Variants in PTPRM observed in about 807,000 individuals in gnomAD.
PTPRM encodes protein tyrosine phosphatase receptor type M, also known as receptor-type tyrosine-protein phosphatase mu.
A neutral mutation model predicts 186.7 loss-of-function variants in PTPRM; 47 were observed. The observed-to-expected ratio is 0.25, with a 90% CI of 0.20 to 0.32. The LOEUF (loss-of-function observed/expected upper bound fraction) is 0.32. PTPRM is among the 10% of genes least tolerant of loss of function. The pLI is 1.00. For synonymous variants in PTPRM, 668 were observed against 674.9 expected (o/e 0.99, Z 0.16); for missense variants, 1,494 against 1,865.0 (o/e 0.80, Z 3.66).
At chr18:8,049,632 A>C (rs2087321181) in intron 7 of PTPRM, among the ~76,000 whole-genome samples, 1 of 151,538 alleles carries the variant, frequency 6.6e-6, no homozygotes, top group Admixed American at 6.6e-5. Context: ...AGAATGCAGT[A>C]AGACATAGAG....
intron 14 of PTPRM, among the ~76,000 whole-genome samples, chr18:8,235,505 T>G (rs2094336099): frequency 6.7e-6 from 1 of 150,144 alleles, no homozygotes; most frequent in African/African-American, 2.4e-5. Context: ...GTATCAATTT[T>G]ACTAATCTTT....
chr18:8,338,947 T>C (rs1234554197), intron 22 of PTPRM, among the ~76,000 whole-genome samples: 1 of 152,068 alleles, frequency 6.6e-6, no homozygotes, highest in Non-Finnish European at 1.5e-5. Context: ...AATGATCATT[T>C]TTATAGATGT....
chr18:8,289,215 C>T (rs959268694), intron 19 of PTPRM, among the ~76,000 whole-genome samples: 17 of 151,806 alleles, frequency 1.1e-4, no homozygotes, highest in Non-Finnish European at 2.2e-4. Context: ...TGCTCACCCC[C>T]CAATAGAGCT....
chr18:7,994,265 A>AC (rs145006322), intron 7 of PTPRM, among the ~76,000 whole-genome samples: 17 of 149,014 alleles, frequency 1.1e-4, no homozygotes, highest in African/African-American at 3.2e-4. Flanking sequence ...GGATATAAAT[A>AC]ACACACACAC....
intron 24 of PTPRM, among the ~76,000 whole-genome samples, chr18:8,371,602 G>A (rs549802981): frequency 1.3e-5 from 2 of 152,272 alleles, no homozygotes; most frequent in African/African-American, 4.8e-5. Context: ...CTCCCATACT[G>A]GTTTTCCCCT....
intron 3 of PTPRM, among the ~76,000 whole-genome samples, chr18:7,891,799 A>G (rs529008458): frequency 1.3e-5 from 2 of 152,008 alleles, no homozygotes; most frequent in East Asian, 3.9e-4. Flanking sequence ...CCCTTCAACC[A>G]GGGAGGCGGA....
intron 2 of PTPRM, among the ~76,000 whole-genome samples, chr18:7,833,656 C>T (rs1567887736): frequency 6.6e-6 from 1 of 151,964 alleles, no homozygotes; most frequent in Non-Finnish European, 1.5e-5. Context: ...ATCACTTGAA[C>T]CCAGGAGGTG....
At chr18:7,907,259 G>C (rs752806303) in intron 4 of PTPRM, among the ~76,000 whole-genome samples, 3 of 152,160 alleles carry the variant, frequency 2.0e-5, no homozygotes, top group Non-Finnish European at 2.9e-5. Flanking sequence ...CACCACAGTG[G>C]TGAGCTGGTT....
chr18:7,637,928 A>G (rs537301747), intron 1 of PTPRM, among the ~76,000 whole-genome samples: 5 of 152,332 alleles, frequency 3.3e-5, no homozygotes, highest in African/African-American at 1.2e-4. Context: ...AACCTTACCT[A>G]ATGGGGTTTT....
intron 1 of PTPRM, among the ~76,000 whole-genome samples, chr18:7,729,007 C>G (rs2040603589): frequency 6.6e-6 from 1 of 151,514 alleles, no homozygotes; most frequent in African/African-American, 2.4e-5. Flanking sequence ...AATTCCTGGC[C>G]TCAAGCAATC....
At chr18:7,907,947 A>G (rs1051534451) in intron 4 of PTPRM, among the ~76,000 whole-genome samples, 2 of 150,844 alleles carry the variant, frequency 1.3e-5, no homozygotes, top group African/African-American at 4.9e-5. Context: ...GTATTCTATC[A>G]TATGGATTTA....
At chr18:8,203,314 C>T (rs949405888) in intron 14 of PTPRM, among the ~76,000 whole-genome samples, 4 of 152,174 alleles carry the variant, frequency 2.6e-5, no homozygotes, top group Non-Finnish European at 5.9e-5. Flanking sequence ...CTACTACGGA[C>T]TGAATTTCTG....
At chr18:7,802,804 A>G (rs899264497) in intron 2 of PTPRM, among the ~76,000 whole-genome samples, 4 of 152,204 alleles carry the variant, frequency 2.6e-5, no homozygotes, top group Non-Finnish European at 4.4e-5. Flanking sequence ...CATTCACTCA[A>G]CAAATGATTA....
At chr18:8,092,317 A>G (rs1256599123) in intron 11 of PTPRM, among the ~76,000 whole-genome samples, 1 of 152,190 alleles carries the variant, frequency 6.6e-6, no homozygotes, top group Non-Finnish European at 1.5e-5. Flanking sequence ...CCAGCCAGTA[A>G]ACTAGCATGT....
rs888076426 is a variant in PTPRM at position 7,620,991 on chromosome 18, C to T, written c.73+53100C>T. Among the ~76,000 whole-genome samples the T allele has an allele frequency of 7.0e-4, 106 of 152,110 alleles. 1 individual carries two copies. The highest frequency in any genetic ancestry group is 2.2e-4 in the African/African-American group (9 of 41,498). ...TTGAGGCCAGGAGTTTGAGACCAGT[C>T]GGCAACCTAGTGAGACCCCGTGTCT... is the stretch of plus-strand genomic sequence containing the variant. On this transcript the variant is annotated intron_variant, in intron 1 of 32. Transcript: ENST00000580170.
At chr18:7,753,113 T>G (rs1240370504) in intron 1 of PTPRM, among the ~76,000 whole-genome samples, 1 of 152,132 alleles carries the variant, frequency 6.6e-6, no homozygotes, top group Non-Finnish European at 1.5e-5. Flanking sequence ...TCTAGCCATA[T>G]GTATTTGACT....
intron 7 of PTPRM, among the ~76,000 whole-genome samples, chr18:7,994,062 T>C (rs1364458560): frequency 6.6e-6 from 1 of 152,098 alleles, no homozygotes; most frequent in East Asian, 1.9e-4. Flanking sequence ...AACCATATTC[T>C]GCCCACAAGA....
At chr18:7,924,658 A>G (rs749994494) in intron 4 of PTPRM, among the ~76,000 whole-genome samples, 3 of 152,174 alleles carry the variant, frequency 2.0e-5, no homozygotes, top group Non-Finnish European at 4.4e-5. Context: ...AATGATGATA[A>G]TGAGTATCTG....
chr18:7,983,347 TC>T (rs1646094573), intron 7 of PTPRM, among the ~76,000 whole-genome samples: 1 of 151,972 alleles, frequency 6.6e-6, no homozygotes, highest in African/African-American at 2.4e-5. Flanking sequence ...CCCGAAGCTA[TC>T]CCCCCAACCT....
Sources: allele counts gnomAD v4.1 joint callset (sites outside exome capture counted in the v4.1 genomes callset), GRCh38; gene constraint gnomAD v4.1.1; transcripts MANE v1.5; gene names NCBI Gene and HGNC (gene_info 2026-07-23, HGNC 2026-07-21).